The following NAV2 variants were observed in gnomAD, a reference collection of about 807,000 sequenced individuals.
The protein encoded by NAV2 is helicase, APC down-regulated 1.
Under a neutral mutation model 223.2 loss-of-function variants are expected in NAV2, and 54 were observed. The observed-to-expected ratio is 0.24, with a 90% CI of 0.19 to 0.30. The LOEUF (loss-of-function observed/expected upper bound fraction) is 0.30, where lower values mean the gene tolerates loss of function less well. NAV2 is among the 10% of genes least tolerant of loss of function. NAV2 has a pLI of 1.00. For synonymous variants in NAV2, 1,279 were observed against 1,239.3 expected (o/e 1.03, Z -0.67); for missense variants, 2,806 against 3,147.5 (o/e 0.89, Z 2.60).
chr11:19,765,557 G>A (rs1708448399), intron 1 of NAV2, among the ~76,000 whole-genome samples: 1 of 151,910 alleles, frequency 6.6e-6, no homozygotes, highest in African/African-American at 2.4e-5. Context: ...AAAACAGGTT[G>A]AGGACTGGAT....
intron 6 of NAV2, among the ~76,000 whole-genome samples, chr11:19,902,390 G>A (rs1200336167): frequency 6.6e-6 from 1 of 152,096 alleles, no homozygotes; most frequent in Non-Finnish European, 1.5e-5. Flanking sequence ...CACCATGTTT[G>A]TTTGTCTCTA....
chr11:19,350,959 T>C, exon 1 of NAV2: 2 of 1,551,724 alleles, frequency 1.3e-6, no homozygotes, highest in African/African-American at 2.7e-5. Context: ...GGAAATGGAA[T>C]CGGTTTCTGA....
intron 11 of NAV2, among the ~76,000 whole-genome samples, chr11:20,011,205 G>A (rs532682590): frequency 9.9e-5 from 15 of 152,012 alleles, no homozygotes; most frequent in African/African-American, 3.6e-4. Context: ...TTTTGGTGAG[G>A]TTTCTGTTTC....
At chr11:19,470,835 G>A (rs2041942138) in intron 1 of NAV2, among the ~76,000 whole-genome samples, 1 of 152,144 alleles carries the variant, frequency 6.6e-6, no homozygotes, top group South Asian at 2.1e-4. Context: ...AGAGCAATGA[G>A]ACAAGCCTGA....
At chr11:19,547,261 G>A (rs2044530548) in intron 1 of NAV2, among the ~76,000 whole-genome samples, 1 of 152,198 alleles carries the variant, frequency 6.6e-6, no homozygotes, top group East Asian at 1.9e-4. Flanking sequence ...CCAGCGGAGG[G>A]CCAGGAGCAC....
At chr11:19,750,280 G>A (rs191805080) in intron 1 of NAV2, among the ~76,000 whole-genome samples, 17 of 152,242 alleles carry the variant, frequency 1.1e-4, no homozygotes, top group Admixed American at 1.1e-3. Context: ...AATGGCCTTC[G>A]TTTCTAAAAT....
chr11:19,407,898 G>C (rs1275142766), intron 1 of NAV2, among the ~76,000 whole-genome samples: 1 of 152,044 alleles, frequency 6.6e-6, no homozygotes, highest in Non-Finnish European at 1.5e-5. Flanking sequence ...ATGTGGTTGG[G>C]ACTGATAAGT....
At chr11:19,629,269 T>G (rs1004696244) in intron 1 of NAV2, among the ~76,000 whole-genome samples, 2 of 152,062 alleles carry the variant, frequency 1.3e-5, no homozygotes, top group African/African-American at 4.8e-5. Context: ...AAATATCATT[T>G]TAGGCAGAGC....
At chr11:19,564,786 C>T (rs1424795293) in intron 1 of NAV2, among the ~76,000 whole-genome samples, 1 of 152,178 alleles carries the variant, frequency 6.6e-6, no homozygotes. Context: ...AGGCTGAGGC[C>T]CAAAGAGGTC....
At chr11:20,084,903 A>G (rs1478153738) in intron 26 of NAV2, among the ~76,000 whole-genome samples, 1 of 152,190 alleles carries the variant, frequency 6.6e-6, no homozygotes, top group African/African-American at 2.4e-5. Context: ...AAAGGGGTTA[A>G]CCAAGCCAGG....
At position 19,933,177 on chromosome 11, in the gene NAV2, G is replaced by A. The variant is rs768271752; in HGVS notation, c.933G>A (p.Glu311=). ...PPPPPSSHEK[E]PLASSASSHP... is the part of the protein sequence containing the mutation. ...GCCTCCTCTCTTCTGTCTCTGCAGA[G>A]CCTTTGGCAAGTTCAGCCTCCTCCC... The change falls in exon 7 of 38, where the codon GAG becomes GAA. Residue 311 remains glutamate (E), a splice_region_variant and synonymous_variant. Coordinates refer to ENST00000349880, the MANE Select transcript of NAV2 (RefSeq NM_145117.5). The surrounding 1 kb of genome is among the most constrained non-coding windows in gnomAD (Gnocchi z 4.3). The A allele has an allele frequency of 6.5e-7, 1 of 1,528,506 alleles. No homozygotes were observed. The highest frequency in any genetic ancestry group is 8.8e-7 in the Non-Finnish European group (1 of 1,136,140). 94.7% of individuals were successfully genotyped at this position (1,528,506 alleles called of 1,614,324 possible).
intron 24 of NAV2, 54 bp from the exon 25 acceptor site, chr11:20,080,010 T>G: frequency 1.3e-6 from 2 of 1,593,944 alleles, no homozygotes; most frequent in Middle Eastern, 2.3e-4. Context: ...AATCCTGAGA[T>G]AAAGAATAGG....
chr11:19,536,919 G>A (rs16936934), intron 1 of NAV2, among the ~76,000 whole-genome samples: 11,297 of 152,230 alleles, frequency 0.074, 1,428 homozygotes, highest in African/African-American at 0.26. Context: ...CTTTTCCATT[G>A]ACAAGAATTA....
At chr11:19,922,885 T>C (rs1204660861) in intron 6 of NAV2, among the ~76,000 whole-genome samples, 2 of 152,144 alleles carry the variant, frequency 1.3e-5, no homozygotes, top group South Asian at 2.1e-4. Context: ...CAAGATCCCA[T>C]GGATTTTCAT....
At chr11:19,796,400 T>G (rs2057898488) in intron 1 of NAV2, among the ~76,000 whole-genome samples, 1 of 152,342 alleles carries the variant, frequency 6.6e-6, no homozygotes, top group Admixed American at 6.5e-5. Flanking sequence ...TCTGCTGTCA[T>G]GAGGGCTTGA....
At chr11:19,703,602 C>T (rs2152289013) in intron 1 of NAV2, among the ~76,000 whole-genome samples, 1 of 152,168 alleles carries the variant, frequency 6.6e-6, no homozygotes, top group East Asian at 1.9e-4. Flanking sequence ...GCATGGGCAG[C>T]TGGACTGGCT....
intron 2 of NAV2, among the ~76,000 whole-genome samples, chr11:19,836,374 G>A (rs2152923018): frequency 6.6e-6 from 1 of 151,970 alleles, no homozygotes; most frequent in South Asian, 2.1e-4. Context: ...TGGCTAACAA[G>A]GTGAAACCCC....
intron 6 of NAV2, among the ~76,000 whole-genome samples, chr11:19,904,936 C>T (rs2042745550): frequency 6.6e-6 from 1 of 152,136 alleles, no homozygotes; most frequent in Non-Finnish European, 1.5e-5. Flanking sequence ...TTACCCCAGG[C>T]AAGGGTAAAG....
intron 11 of NAV2, among the ~76,000 whole-genome samples, chr11:20,034,874 G>A (rs1185204845): frequency 6.6e-6 from 1 of 152,122 alleles, no homozygotes; most frequent in Non-Finnish European, 1.5e-5. Flanking sequence ...TTCAGAAAGA[G>A]GGACAAGCAA....
Sources: allele counts gnomAD v4.1 joint callset (sites outside exome capture counted in the v4.1 genomes callset), GRCh38; gene constraint gnomAD v4.1.1; non-coding constraint Gnocchi (gnomAD v3.1); transcripts MANE v1.5; gene names NCBI Gene and HGNC (gene_info 2026-07-23, HGNC 2026-07-21).